The following MSRA variants were observed in gnomAD, a reference collection of about 807,000 sequenced individuals.
MSRA encodes the protein mitochondrial peptide methionine sulfoxide reductase.
A neutral mutation model predicts 31.3 loss-of-function variants in MSRA; 54 were observed. The observed-to-expected ratio is 1.73, with a 90% CI of 1.39 to 2.17. MSRA has a LOEUF of 2.17. MSRA is among the 30% of genes most tolerant of loss of function. The pLI is 0.00. For missense variants in MSRA, 507 were observed against 300.9 expected, an observed-to-expected ratio of 1.69 and a Z score of -5.07; for synonymous variants, 169 against 116.5, an observed-to-expected ratio of 1.45 and a Z score of -2.90.
intron 1 of MSRA, among the ~76,000 whole-genome samples, chr8:10,132,913 A>T (rs145273194): frequency 6.6e-6 from 1 of 152,244 alleles, no homozygotes; most frequent in Non-Finnish European, 1.5e-5. Context: ...CCATTTGCAT[A>T]CTGACACTTG....
At chr8:10,137,800 A>G (rs905295193) in intron 1 of MSRA, among the ~76,000 whole-genome samples, 1 of 152,158 alleles carries the variant, frequency 6.6e-6, no homozygotes, top group African/African-American at 2.4e-5. Context: ...GAAAACCATT[A>G]TGTTAATACG....
At position 10,428,083 on chromosome 8, in the gene MSRA, G is replaced by A. The variant is rs1005751558; in HGVS notation, c.544-65G>A. ...CTCACTGCAGCCCTGGCCCCTCAGTGCCACCCCTCGCAGGTGCTGTCTCTC... is the reference window on the plus strand; with the variant it reads ...CTCACTGCAGCCCTGGCCCCTCAGTACCACCCCTCGCAGGTGCTGTCTCTC... On this transcript the variant is annotated intron_variant, in intron 5 of 5. Coordinates refer to ENST00000317173, the MANE Select transcript of MSRA (RefSeq NM_012331.5). The A allele has an allele frequency of 3.2e-6, 5 of 1,546,448 alleles. No individual in the cohort carries two copies. The Admixed American group carries it at 8.0e-5, about 25-fold the overall frequency.
intron 5 of MSRA, among the ~76,000 whole-genome samples, chr8:10,380,881 G>A (rs1368381670): frequency 6.6e-6 from 1 of 151,546 alleles, no homozygotes; most frequent in Non-Finnish European, 1.5e-5. Context: ...ATGGGTGGGT[G>A]GGTAGATGGA....
Position 10,225,006 on chromosome 8 carries a change from C to T in MSRA, c.211+17105C>T, listed in dbSNP as rs546175873. Among the ~76,000 whole-genome samples, 153 of 152,212 alleles carry T rather than the reference C, an allele frequency of 1.0e-3. 3 individuals carry two copies. Among genetic ancestry groups the T allele is most frequent in the South Asian group, 4.2e-4 (2 of 4,816 alleles). On this transcript the variant is annotated intron_variant, in intron 2 of 5. Coordinates refer to ENST00000317173, the MANE Select transcript of MSRA (RefSeq NM_012331.5). ...TACAAAAATAAGCTGGCCGTGGTGG[C>T]GCATGCCTGTAATCCCAGCTACTCC...
At chr8:10,381,493 G>C (rs998109998) in intron 5 of MSRA, among the ~76,000 whole-genome samples, 2 of 152,166 alleles carry the variant, frequency 1.3e-5, no homozygotes, top group African/African-American at 4.8e-5. Flanking sequence ...TGCTGGAGCT[G>C]GGTGTACCCT....
chr8:10,085,845 T>C (rs985519596), intron 1 of MSRA, among the ~76,000 whole-genome samples: 1 of 152,216 alleles, frequency 6.6e-6, no homozygotes, highest in Non-Finnish European at 1.5e-5. Flanking sequence ...TCATCCAACA[T>C]GTAGTCTTCT....
chr8:10,396,451 G>A (rs1585676656), intron 5 of MSRA, among the ~76,000 whole-genome samples: 3 of 152,218 alleles, frequency 2.0e-5, no homozygotes, highest in Admixed American at 1.3e-4. Context: ...CCAGAGAAAT[G>A]TTATGGCAAA....
chr8:10,414,411 C>T (rs900719644), intron 5 of MSRA, among the ~76,000 whole-genome samples: 1 of 152,178 alleles, frequency 6.6e-6, no homozygotes, highest in African/African-American at 2.4e-5. Context: ...TGCCTCCAAC[C>T]ATTCTGCAGT....
chr8:10,222,427 A>G (rs1322814672), intron 2 of MSRA, among the ~76,000 whole-genome samples: 1 of 148,450 alleles, frequency 6.7e-6, no homozygotes, highest in African/African-American at 2.5e-5. Context: ...TGGTACAGCC[A>G]TTATGGAAAA....
intron 5 of MSRA, among the ~76,000 whole-genome samples, chr8:10,344,522 C>T (rs1054851227): frequency 1.4e-5 from 2 of 139,244 alleles, no homozygotes; most frequent in East Asian, 2.1e-4. Context: ...TGCATCAATC[C>T]GAGATTGCGC....
chr8:10,404,104 G>T (rs536431327), intron 5 of MSRA, among the ~76,000 whole-genome samples: 5 of 152,248 alleles, frequency 3.3e-5, no homozygotes, highest in Admixed American at 2.6e-4. Context: ...TTCGGAAAAT[G>T]CTTCAAAGGA....
At chr8:10,271,223 A>G (rs1216376104) in intron 3 of MSRA, among the ~76,000 whole-genome samples, 1 of 152,186 alleles carries the variant, frequency 6.6e-6, no homozygotes, top group African/African-American at 2.4e-5. Context: ...GGCATATAGC[A>G]TCCAGTTTAC....
chr8:10,141,251 C>T (rs150653433), intron 1 of MSRA, among the ~76,000 whole-genome samples: 61 of 152,262 alleles, frequency 4.0e-4, no homozygotes, highest in Non-Finnish European at 6.2e-4. Context: ...GCCCCTCACG[C>T]CTTATAATCC....
chr8:10,148,646 TA>T (rs887968632), intron 1 of MSRA, among the ~76,000 whole-genome samples: 121 of 138,622 alleles, frequency 8.7e-4, no homozygotes, highest in Middle Eastern at 3.6e-3. Context: ...GACTTCATCT[TA>T]AAAAAAAAAA....
chr8:10,320,061 C>A (rs1339655246), intron 5 of MSRA, 72 bp downstream of exon 5: 5 of 894,916 alleles, frequency 5.6e-6, no homozygotes, highest in Non-Finnish European at 6.8e-6. Context: ...TTTTAGAGGG[C>A]AGTCTGCTGC....
chr8:10,237,851 C>T (rs1007726504), intron 2 of MSRA, among the ~76,000 whole-genome samples: 2 of 152,220 alleles, frequency 1.3e-5, no homozygotes, highest in African/African-American at 4.8e-5. Context: ...TGGTCTAAAC[C>T]ACCATTATCT....
In MSRA at chr8:10,253,806, T is replaced by C. The variant is rs76194242; in HGVS notation, c.331+8583T>C. 7.8e-3 allele frequency among the ~76,000 whole-genome samples: 1,186 copies of C among 152,304 alleles called. 10 individuals are homozygous for C. The highest frequency in any genetic ancestry group is 0.013 in the Non-Finnish European group (858 of 68,016). ...ATGGGATATGCTGGGTCTTAATTAC[T>C]TCATAATGACTGACAATTTTTAGAG... On this transcript the variant is annotated intron_variant, in intron 3 of 5. Coordinates refer to ENST00000317173, the MANE Select transcript of MSRA (RefSeq NM_012331.5).
At chr8:10,357,908 C>G (rs987631074) in intron 5 of MSRA, among the ~76,000 whole-genome samples, 2 of 152,186 alleles carry the variant, frequency 1.3e-5, no homozygotes, top group Admixed American at 1.3e-4. Context: ...TATCTCCTTT[C>G]TTCCAAACCA....
intron 1 of MSRA, among the ~76,000 whole-genome samples, chr8:10,175,058 C>T (rs548341229): frequency 6.6e-6 from 1 of 152,286 alleles, no homozygotes; most frequent in East Asian, 1.9e-4. Context: ...ACATGATTCA[C>T]CATCCACATT....
Sources: gnomAD v4.1 joint callset for allele counts (sites outside exome capture counted in the v4.1 genomes callset) on GRCh38, gnomAD v4.1.1 for gene constraint, MANE v1.5 for transcripts, NCBI Gene and HGNC (gene_info 2026-07-23, HGNC 2026-07-21) for gene names.